IQCM: variants seen among roughly 807,000 people sequenced by gnomAD.
IQCM encodes the protein IQ motif containing M, also known as IQ domain-containing protein M.
IQCM carries 45 observed loss-of-function variants against 57.6 expected under a neutral mutation model. The observed-to-expected ratio is 0.78, with a 90% CI of 0.62 to 1.00. The LOEUF (loss-of-function observed/expected upper bound fraction) is 1.00. Ranked by LOEUF, IQCM falls within the 50% of genes least tolerant of loss-of-function variation. The pLI is 0.00. For missense variants in IQCM, 468 were observed against 511.6 expected, an observed-to-expected ratio of 0.91 and a Z score of 0.82; for synonymous variants, 148 against 158.9, an observed-to-expected ratio of 0.93 and a Z score of 0.51.
intron 7 of IQCM, among the ~76,000 whole-genome samples, chr4:149,679,347 T>A (rs1762004726): frequency 6.6e-6 from 1 of 150,714 alleles, no homozygotes; most frequent in African/African-American, 2.4e-5. Flanking sequence ...AGACAAAGAG[T>A]AGATTTGTGG....
intron 9 of IQCM, among the ~76,000 whole-genome samples, chr4:149,584,499 T>C (rs1752483400): frequency 6.6e-6 from 1 of 151,694 alleles, no homozygotes; most frequent in African/African-American, 2.4e-5. Flanking sequence ...TAAAAATACA[T>C]AAATATATTT....
Position 149,756,680 on chromosome 4 carries a change from G to T in IQCM, c.-48-13941C>A, listed in dbSNP as rs540560613. Among the ~76,000 whole-genome samples, 20 of 152,150 alleles carry T rather than the reference G, an allele frequency of 1.3e-4. No homozygotes were observed. In the South Asian group the frequency reaches 4.1e-3, roughly 32 times the overall value. ...TATTACTTACAAAAATTTAAAAGAG[G>T]CATCAGTGTGGATTTTTTCATGTAG... On this transcript the variant is annotated intron_variant, in intron 2 of 13. Transcript: ENST00000636793.
intron 7 of IQCM, among the ~76,000 whole-genome samples, chr4:149,679,344 G>C (rs898949574): frequency 1.3e-5 from 2 of 151,574 alleles, no homozygotes; most frequent in African/African-American, 2.4e-5. Flanking sequence ...CAAAGACAAA[G>C]AGTAGATTTG....
intron 12 of IQCM, among the ~76,000 whole-genome samples, chr4:149,464,231 T>C (rs1030415029): frequency 1.2e-4 from 18 of 152,208 alleles, no homozygotes; most frequent in African/African-American, 3.1e-4. Flanking sequence ...ACATTCTTAA[T>C]TGGGGAAGCT....
chr4:149,674,847 AAG>A lies in IQCM; in HGVS notation c.565+7269_565+7270del, dbSNP rs564471880. ...AAAGCCATGATCTGGATAAAATTAC[AAG>A]AGAGTGTTGTTTAGCTAGAGAAGAA... On this transcript the variant is annotated intron_variant, in intron 7 of 13. Transcript: ENST00000636793. Among the ~76,000 whole-genome samples the A allele has an allele frequency of 5.9e-5, 9 of 152,184 alleles. No individual in the cohort carries two copies. In the East Asian group the frequency reaches 1.7e-3, roughly 30 times the overall value.
intron 13 of IQCM, among the ~76,000 whole-genome samples, chr4:149,427,981 C>A (rs1000470921): frequency 1.3e-5 from 2 of 151,842 alleles, no homozygotes; most frequent in African/African-American, 4.8e-5. Flanking sequence ...CAAAGCATGA[C>A]ATTGACCTAA....
At chr4:149,626,544 G>C (rs1439494587) in intron 7 of IQCM, among the ~76,000 whole-genome samples, 1 of 151,862 alleles carries the variant, frequency 6.6e-6, no homozygotes, top group African/African-American at 2.4e-5. Flanking sequence ...AAAAGAATGT[G>C]ATATAGAACA....
At chr4:149,428,151 AG>A (rs1734584529) in intron 13 of IQCM, among the ~76,000 whole-genome samples, 1 of 151,874 alleles carries the variant, frequency 6.6e-6, no homozygotes, top group Admixed American at 6.6e-5. Flanking sequence ...AATTAAGCTT[AG>A]TTTTTTACCA....
intron 13 of IQCM, among the ~76,000 whole-genome samples, chr4:149,426,089 G>A (rs1179004667): frequency 6.6e-6 from 1 of 151,914 alleles, no homozygotes; most frequent in Non-Finnish European, 1.5e-5. Context: ...GAGTTCTACA[G>A]CCATGGTAAC....
intron 13 of IQCM, among the ~76,000 whole-genome samples, chr4:149,368,489 A>G (rs1340840841): frequency 6.6e-6 from 1 of 151,816 alleles, no homozygotes; most frequent in African/African-American, 2.4e-5. Flanking sequence ...ACCTTGTTAG[A>G]AACCTTTGGA....
At chr4:149,680,573 C>T (rs866610879) in intron 7 of IQCM, among the ~76,000 whole-genome samples, 1 of 151,286 alleles carries the variant, frequency 6.6e-6, no homozygotes, top group Non-Finnish European at 1.5e-5. Flanking sequence ...TTTGTTCATT[C>T]ATTTAACATA....
chr4:149,782,446 T>C (rs985021324), intron 2 of IQCM, among the ~76,000 whole-genome samples: 15 of 152,098 alleles, frequency 9.9e-5, no homozygotes, highest in African/African-American at 3.6e-4. Flanking sequence ...TCTCTCTCTC[T>C]ACAATTTTTT....
intron 5 of IQCM, among the ~76,000 whole-genome samples, chr4:149,710,698 A>C (rs1764495452): frequency 1.3e-5 from 2 of 151,516 alleles, no homozygotes; most frequent in East Asian, 3.9e-4. Flanking sequence ...CTAGCTCTCT[A>C]TTTATTTTTA....
At chr4:149,502,279 T>C (rs1318873042) in intron 12 of IQCM, among the ~76,000 whole-genome samples, 1 of 151,942 alleles carries the variant, frequency 6.6e-6, no homozygotes, top group Non-Finnish European at 1.5e-5. Context: ...AAAAAATAAA[T>C]GGATTCTTAA....
At chr4:149,647,552 C>A (rs1053310938) in intron 7 of IQCM, among the ~76,000 whole-genome samples, 2 of 151,932 alleles carry the variant, frequency 1.3e-5, no homozygotes, top group Non-Finnish European at 2.9e-5. Flanking sequence ...GTTGAGAAAT[C>A]AGTTATTTTA....
chr4:149,505,963 G>A (rs1743771855), intron 12 of IQCM, among the ~76,000 whole-genome samples: 1 of 152,192 alleles, frequency 6.6e-6, no homozygotes, highest in Admixed American at 6.5e-5. Flanking sequence ...GAAAGGTCCT[G>A]GATACATTTT....
intron 5 of IQCM, among the ~76,000 whole-genome samples, chr4:149,711,711 T>A (rs1764573956): frequency 1.3e-5 from 2 of 152,152 alleles, no homozygotes. Flanking sequence ...CTTACAGAGC[T>A]ACAACCAGCT....
chr4:149,593,940 A>C (rs1424836571), intron 8 of IQCM, among the ~76,000 whole-genome samples: 1 of 152,090 alleles, frequency 6.6e-6, no homozygotes, highest in Non-Finnish European at 1.5e-5. Context: ...TGTCTCTGCC[A>C]GGCTTTGGTA....
At chr4:149,429,891 A>AATCC in intron 13 of IQCM, 1 of 820,560 alleles carries the variant, frequency 1.2e-6, no homozygotes. Context: ...AAAAGCTTGG[A>AATCC]AGACAGAGTT....
Sources: allele counts gnomAD v4.1 joint callset (sites outside exome capture counted in the v4.1 genomes callset), GRCh38; gene constraint gnomAD v4.1.1; transcripts MANE v1.5; gene names NCBI Gene and HGNC (gene_info 2026-07-23, HGNC 2026-07-21).